The following MID1 variants were observed in gnomAD, a reference collection of about 807,000 sequenced individuals.
MID1 encodes the protein E3 ubiquitin-protein ligase Midline-1.
Under a neutral mutation model 40.4 loss-of-function variants are expected in MID1, and 7 were observed. The observed-to-expected ratio is 0.17, with a 90% confidence interval of 0.10 to 0.33. The LOEUF is 0.33. Ranked by LOEUF, MID1 falls within the 10% of genes least tolerant of loss-of-function variation. The pLI, the probability that MID1 is intolerant of heterozygous loss-of-function variation, is 1.00. For synonymous variants in MID1, 229 were observed against 221.2 expected (o/e 1.04, Z -0.31); for missense variants, 367 against 558.5 (o/e 0.66, Z 3.46).
chrX:10,603,145 C>T (rs1010539262), intron 1 of MID1, among the ~76,000 whole-genome samples: 1 of 112,445 alleles, frequency 8.9e-6, no homozygotes, highest in Non-Finnish European at 1.9e-5. Context: ...TCCTACTTAT[C>T]TGCCCACATT....
intron 1 of MID1, among the ~76,000 whole-genome samples, chrX:10,606,104 T>A (rs1935621118): frequency 9.0e-6 from 1 of 111,706 alleles, no homozygotes; most frequent in East Asian, 2.8e-4. Flanking sequence ...GGAATTTAAA[T>A]TGCACAACTG....
At chrX:10,605,904 C>T (rs1383279425) in intron 1 of MID1, among the ~76,000 whole-genome samples, 2 of 111,161 alleles carry the variant, frequency 1.8e-5, no homozygotes, top group Non-Finnish European at 3.8e-5. Context: ...TACCTCCGGT[C>T]ACTTTATAAA....
At chrX:10,808,014 T>C (rs145063882) in intron 1 of MID1, among the ~76,000 whole-genome samples, 149 of 112,757 alleles carry the variant, frequency 1.3e-3, no homozygotes, top group African/African-American at 4.3e-3. Flanking sequence ...TAACAGGTTC[T>C]ACATTCTTCA....
chrX:10,798,160 T>C (rs911502829), intron 1 of MID1, among the ~76,000 whole-genome samples: 7 of 112,282 alleles, frequency 6.2e-5, no homozygotes, highest in Non-Finnish European at 3.8e-5. Context: ...TGTTCTCTTT[T>C]CAGAGCAATT....
At chrX:10,536,661 G>A (rs1933266961) in intron 2 of MID1, among the ~76,000 whole-genome samples, 1 of 112,230 alleles carries the variant, frequency 8.9e-6, no homozygotes, top group South Asian at 3.7e-4. Flanking sequence ...GAATCTAGAA[G>A]GTAGACCAGG....
At chrX:10,458,312 C>A (rs1213844977) in intron 8 of MID1, among the ~76,000 whole-genome samples, 2 of 111,957 alleles carry the variant, frequency 1.8e-5, no homozygotes, top group East Asian at 5.6e-4. Context: ...TTTTTGACAA[C>A]TCATAACAAC....
chrX:10,717,093 C>T (rs2059608803), intron 1 of MID1, among the ~76,000 whole-genome samples: 1 of 111,691 alleles, frequency 9.0e-6, no homozygotes, highest in African/African-American at 3.3e-5. Context: ...CAAAAACATG[C>T]CAAATTGTAA....
At chrX:10,623,451 T>C (rs764007440), upstream of MID1, among the ~76,000 whole-genome samples, 1 of 111,414 alleles carries the variant, frequency 9.0e-6, no homozygotes, top group South Asian at 3.8e-4. Flanking sequence ...TGAAGGGATG[T>C]TGGAAGTTTT....
intron 1 of MID1, among the ~76,000 whole-genome samples, chrX:10,656,589 G>T (rs1250444338): frequency 3.6e-5 from 4 of 111,613 alleles, no homozygotes; most frequent in Non-Finnish European, 7.5e-5. Context: ...TTCCAGCCTA[G>T]ATCTGAACCC....
At chrX:10,644,171 CAGT>C (rs1459558898) in intron 1 of MID1, among the ~76,000 whole-genome samples, 1 of 111,433 alleles carries the variant, frequency 9.0e-6, no homozygotes, top group Non-Finnish European at 1.9e-5. Flanking sequence ...AATAAAAAAA[CAGT>C]AGGTTATTAA....
chrX:10,585,787 T>TTAAG (rs1935128311), intron 1 of MID1, among the ~76,000 whole-genome samples: 2 of 111,551 alleles, frequency 1.8e-5, no homozygotes, highest in African/African-American at 6.5e-5. Context: ...CATTTATTTT[T>TTAAG]ACACAGTCTT....
intron 1 of MID1, among the ~76,000 whole-genome samples, chrX:10,684,340 T>C (rs568441494): frequency 9.1e-6 from 1 of 110,088 alleles, no homozygotes; most frequent in East Asian, 2.8e-4. Context: ...GCTTGCTTGC[T>C]TGCTTGCTTT....
intron 1 of MID1, among the ~76,000 whole-genome samples, chrX:10,640,899 C>T (rs1382164863): frequency 8.9e-6 from 1 of 111,975 alleles, no homozygotes; most frequent in South Asian, 3.7e-4. Context: ...ACTGAACAAC[C>T]TGCTCCTGAA....
intron 6 of MID1, among the ~76,000 whole-genome samples, chrX:10,472,723 T>C (rs759108381): frequency 5.1e-4 from 57 of 112,161 alleles, no homozygotes; most frequent in African/African-American, 1.5e-3. Flanking sequence ...CCTCCACCCC[T>C]TTCTTTTTGC....
At chrX:10,683,125 G>A (rs755597120) in intron 1 of MID1, among the ~76,000 whole-genome samples, 3 of 111,986 alleles carry the variant, frequency 2.7e-5, no homozygotes, top group Admixed American at 1.9e-4. Flanking sequence ...CATACTTTAC[G>A]TGAGAGCTGT....
intron 1 of MID1, among the ~76,000 whole-genome samples, chrX:10,585,549 A>G (rs1253896127): frequency 9.0e-6 from 1 of 111,726 alleles, no homozygotes; most frequent in Non-Finnish European, 1.9e-5. Context: ...GCGTTTATAA[A>G]CTTTTCCTCA....
chrX:10,481,041 G>A (rs1234287030), intron 5 of MID1, among the ~76,000 whole-genome samples: 2 of 111,592 alleles, frequency 1.8e-5, no homozygotes, highest in South Asian at 3.8e-4. Context: ...CTAGGCCAGG[G>A]GTTGGCAAAG....
intron 4 of MID1, among the ~76,000 whole-genome samples, chrX:10,491,686 T>A (rs1930962105): frequency 8.9e-6 from 1 of 112,228 alleles, no homozygotes; most frequent in African/African-American, 3.2e-5. Context: ...TATATTTATA[T>A]ATGAATAGAT....
intron 1 of MID1, among the ~76,000 whole-genome samples, chrX:10,822,592 CA>C (rs1319313982): frequency 4.5e-5 from 5 of 111,631 alleles, no homozygotes; most frequent in African/African-American, 1.6e-4. Flanking sequence ...GTCCATCCTA[CA>C]AAGGTCTAAT....
Sources: gnomAD v4.1 joint callset for allele counts (sites outside exome capture counted in the v4.1 genomes callset) on GRCh38, gnomAD v4.1.1 for gene constraint, MANE v1.5 for transcripts, NCBI Gene and HGNC (gene_info 2026-07-23, HGNC 2026-07-21) for gene names.